DESI2: variants seen among roughly 807,000 people sequenced by gnomAD.
DESI2 encodes the protein desumoylating isopeptidase 2, also known as deubiquitinase DESI2.
DESI2 carries 10 observed loss-of-function variants against 24.1 expected under a neutral mutation model. That is an observed-to-expected ratio of 0.41 (90% CI 0.26 to 0.70). The LOEUF (loss-of-function observed/expected upper bound fraction) is 0.70, where lower values mean the gene tolerates loss of function less well. Among genes scored for constraint, DESI2 ranks in the 30% least tolerant of loss-of-function variants. The pLI is 0.29. For synonymous variants in DESI2, 71 were observed against 87.7 expected (o/e 0.81, Z 1.06); for missense variants, 122 against 234.9 (o/e 0.52, Z 3.14).
At chr1:244,700,238 G>A (rs565129165) in intron 4 of DESI2, among the ~76,000 whole-genome samples, 2 of 152,148 alleles carry the variant, frequency 1.3e-5, no homozygotes, top group East Asian at 1.9e-4. Flanking sequence ...GGAAAAACTG[G>A]GTCTTGGGCA....
chr1:244,668,294 T>A (rs1676117432), intron 1 of DESI2, among the ~76,000 whole-genome samples: 1 of 152,184 alleles, frequency 6.6e-6, no homozygotes, highest in Non-Finnish European at 1.5e-5. Flanking sequence ...AGAATAGTGT[T>A]TCTCAATTTT....
intron 1 of DESI2, among the ~76,000 whole-genome samples, chr1:244,670,757 T>G (rs1252477024): frequency 6.6e-6 from 1 of 152,226 alleles, no homozygotes; most frequent in Admixed American, 6.5e-5. Context: ...TTGAGACAGA[T>G]TGAGTACCTT....
At chr1:244,697,629 T>C (rs1677273024) in intron 4 of DESI2, among the ~76,000 whole-genome samples, 1 of 152,130 alleles carries the variant, frequency 6.6e-6, no homozygotes, top group South Asian at 2.1e-4. Flanking sequence ...ACCTGTCGAA[T>C]TTCAAATGAT....
chr1:244,708,935 T>C lies in DESI2; in HGVS notation c.*3146T>C, dbSNP rs1677819438. 1 of 152,634 alleles carries C rather than the reference T, an allele frequency of 6.6e-6. No homozygotes were observed. Among genetic ancestry groups the C allele is most frequent in the Admixed American group, 6.5e-5 (1 of 15,276 alleles). The allele number at this position is 152,634 out of a possible 1,614,324, so 9.5% of individuals were successfully genotyped here. ...GTCATTCATAGTGTTTATATCAAAA[T>C]ACCAGGAATCTTCACTTTTGCTACC... On this transcript the variant is annotated 3_prime_UTR_variant, in exon 5 of 5. Coordinates refer to ENST00000302550, the MANE Select transcript of DESI2 (RefSeq NM_016076.5).
chr1:244,653,362 G>A lies in DESI2; in HGVS notation c.42+7G>A. On this transcript the variant is annotated splice_region_variant and intron_variant, in intron 1 of 4. Transcript: ENST00000302550. ...GCTCAACGTGTACGACATGGTGAGT[G>A]CGGCCCCTGGCGGCCCCGAGCCCTG... The A allele has an allele frequency of 1.3e-6, 2 of 1,543,342 alleles. No homozygotes were observed.
chr1:244,659,247 A>T (rs541761274), intron 1 of DESI2, among the ~76,000 whole-genome samples: 1 of 152,170 alleles, frequency 6.6e-6, no homozygotes, highest in Non-Finnish European at 1.5e-5. Context: ...GTTTCCATAC[A>T]TATGTACATT....
At chr1:244,686,751 CT>C in intron 2 of DESI2, 82 bp downstream of exon 2, 4 of 805,284 alleles carry the variant, frequency 5.0e-6, no homozygotes, top group Middle Eastern at 2.7e-4. Flanking sequence ...ATAGGTCTCT[CT>C]TTTTTTAACC....
chr1:244,657,615 G>A (rs905200968), intron 1 of DESI2, among the ~76,000 whole-genome samples: 3 of 152,230 alleles, frequency 2.0e-5, no homozygotes, highest in Non-Finnish European at 4.4e-5. Flanking sequence ...TAAGTCCAGA[G>A]ATAAACAGGC....
chr1:244,678,127 A>G (rs1676477872), intron 1 of DESI2, among the ~76,000 whole-genome samples: 1 of 152,192 alleles, frequency 6.6e-6, no homozygotes, highest in Admixed American at 6.5e-5. Context: ...TTGCAAAGCA[A>G]GCAGATACTC....
Position 244,705,590 on chromosome 1 carries a change from A to G in DESI2, c.386A>G (p.Asn129Ser). Residue 129 changes from asparagine to serine, a missense_variant, in exon 5 of 5, where the codon AAT becomes AGT. By Grantham distance (46) the Asn-to-Ser change is conservative. Transcript: ENST00000302550. ...LCGKEIPRWI[N>S]RLAYFSSCIP... ...GGGAAAGAGATTCCTCGCTGGATCA[A>G]TCGACTTGCCTACTTCAGCTCCTGT... 3.7e-6 allele frequency: 6 copies of G among 1,614,178 alleles called. No homozygotes were observed. The highest frequency in any genetic ancestry group is 5.1e-6 in the Non-Finnish European group (6 of 1,180,028).
intron 1 of DESI2, among the ~76,000 whole-genome samples, chr1:244,662,116 A>T (rs1050409930): frequency 2.0e-5 from 3 of 152,164 alleles, no homozygotes; most frequent in Non-Finnish European, 2.9e-5. Flanking sequence ...TGGTGTGAGA[A>T]GGTATCTCAT....
At chr1:244,660,930 A>G (rs78715269) in intron 1 of DESI2, among the ~76,000 whole-genome samples, 74 of 152,272 alleles carry the variant, frequency 4.9e-4, no homozygotes, top group African/African-American at 1.5e-3. Context: ...TCCCTTTACT[A>G]TTATTCCAAA....
At chr1:244,666,247 G>T (rs1251431537) in intron 1 of DESI2, among the ~76,000 whole-genome samples, 1 of 152,122 alleles carries the variant, frequency 6.6e-6, no homozygotes, top group Non-Finnish European at 1.5e-5. Flanking sequence ...ACCATATGTA[G>T]TCTGCGTTCT....
At chr1:244,672,352 T>C (rs1220119631) in intron 1 of DESI2, among the ~76,000 whole-genome samples, 2 of 152,168 alleles carry the variant, frequency 1.3e-5, no homozygotes, top group Non-Finnish European at 1.5e-5. Context: ...GCTGCTGCTC[T>C]CGCCATGTGA....
intron 4 of DESI2, 52 bp from the exon 5 acceptor site, chr1:244,705,504 C>A (rs998607094): frequency 4.7e-6 from 7 of 1,494,020 alleles, no homozygotes; most frequent in African/African-American, 1.4e-5. Flanking sequence ...TGGCAGTGGA[C>A]CAGGTAATCT....
chr1:244,654,005 A>C (rs1434493576), intron 1 of DESI2: 2 of 471,068 alleles, frequency 4.2e-6, no homozygotes, highest in Non-Finnish European at 8.8e-6. Context: ...CCTTTCCTAC[A>C]CTCTGAAGAC....
rs113429883 is a variant in DESI2 at position 244,678,982 on chromosome 1, A to G, written c.43-7615A>G. Among the ~76,000 whole-genome samples the G allele has an allele frequency of 3.9e-3, 595 of 152,288 alleles. 2 individuals are homozygous for G. The highest frequency in any genetic ancestry group is 0.014 in the African/African-American group (563 of 41,584). ...GGAAACCACTACGTGGAGAAAGCCT[A>G]ACAAAATTTTTATGTGAACTGGCGT... On this transcript the variant is annotated intron_variant, in intron 1 of 4. Coordinates refer to ENST00000302550, the MANE Select transcript of DESI2 (RefSeq NM_016076.5).
intron 1 of DESI2, among the ~76,000 whole-genome samples, chr1:244,668,492 A>G (rs1162063912): frequency 6.6e-6 from 1 of 152,194 alleles, no homozygotes; most frequent in Non-Finnish European, 1.5e-5. Flanking sequence ...TAAGTCAAAC[A>G]CTTGCTTCAA....
At position 244,689,196 on chromosome 1, in the gene DESI2, C is replaced by A; in HGVS notation, c.116-53C>A. The A allele has an allele frequency of 2.3e-6, 2 of 872,848 alleles. No individual in the cohort carries two copies. The highest frequency in any genetic ancestry group is 3.8e-6 in the Non-Finnish European group (2 of 521,060). The allele number at this position is 872,848 out of a possible 1,614,324, so 54.1% of individuals were successfully genotyped here. ...CAATTATTAAAGCTAATTCAGCATTCTGGTTAAATTTTATGTGATACATAC... is the reference window on the plus strand; with the variant it reads ...CAATTATTAAAGCTAATTCAGCATTATGGTTAAATTTTATGTGATACATAC... On this transcript the variant is annotated intron_variant, in intron 2 of 4. Transcript: ENST00000302550. This position sits in a 1 kb window ranked among gnomAD's most constrained non-coding sequence, Gnocchi z 4.0.
Sources: allele counts gnomAD v4.1 joint callset (sites outside exome capture counted in the v4.1 genomes callset), GRCh38; gene constraint gnomAD v4.1.1; non-coding constraint Gnocchi (gnomAD v3.1); transcripts MANE v1.5; gene names NCBI Gene and HGNC (gene_info 2026-07-23, HGNC 2026-07-21).